RBM47: variants seen among roughly 807,000 people sequenced by gnomAD.
RBM47 encodes the protein RNA binding motif protein 47.
Under a neutral mutation model 47.1 loss-of-function variants are expected in RBM47, and 21 were observed. The ratio of observed to expected loss-of-function variants is 0.45; its 90% CI spans 0.32 to 0.64. The LOEUF (loss-of-function observed/expected upper bound fraction) is 0.64, where lower values mean the gene tolerates loss of function less well. RBM47 is among the 30% of genes least tolerant of loss of function. The pLI, the probability that RBM47 is intolerant of heterozygous loss-of-function variation, is 0.05. For missense variants in RBM47, 708 were observed against 870.9 expected, an observed-to-expected ratio of 0.81 and a Z score of 2.35; for synonymous variants, 375 against 361.7, an observed-to-expected ratio of 1.04 and a Z score of -0.42.
Position 40,519,651 on chromosome 4 carries a change from C to G in RBM47, c.-155+24771G>C, listed in dbSNP as rs538485613. 2.3e-3 allele frequency among the ~76,000 whole-genome samples: 330 copies of G among 141,226 alleles called. 1 individual carries two copies. Among genetic ancestry groups the G allele is most frequent in the African/African-American group, 8.7e-3 (321 of 37,008 alleles). 92.6% of individuals were successfully genotyped at this position (141,226 alleles called of 152,430 possible). A position where few individuals can be genotyped will look rare whatever the true frequency, so the allele number is the denominator to read the frequency against. On this transcript the variant is annotated intron_variant, in intron 2 of 6. Coordinates refer to ENST00000295971, the MANE Select transcript of RBM47 (RefSeq NM_001098634.2). ...CCCTCCTCTCCCACTTCCCTCTACC[C>G]TACCCTCCTTTTTTTTTTTTTTTTT...
At chr4:40,547,171 G>C (rs1333997944) in intron 1 of RBM47, among the ~76,000 whole-genome samples, 2 of 152,202 alleles carry the variant, frequency 1.3e-5, no homozygotes, top group East Asian at 3.8e-4. Flanking sequence ...CAGTACTAGA[G>C]AGTTCATGTC....
intron 1 of RBM47, among the ~76,000 whole-genome samples, chr4:40,555,459 G>A (rs147856252): frequency 1.3e-5 from 2 of 152,320 alleles, no homozygotes; most frequent in East Asian, 1.9e-4. Context: ...AAATAGTGAT[G>A]GGTGTGATCA....
chr4:40,529,852 A>G (rs1727195662), intron 2 of RBM47, among the ~76,000 whole-genome samples: 1 of 148,630 alleles, frequency 6.7e-6, no homozygotes, highest in African/African-American at 2.4e-5. Flanking sequence ...AAATAAATAA[A>G]TAAATAAATA....
chr4:40,426,312 C>T, intron 6 of RBM47, 169 bp from the exon 7 acceptor site: 1 of 819,056 alleles, frequency 1.2e-6, no homozygotes. Flanking sequence ...GGGAGAAGAG[C>T]CACTGAAGAG....
At chr4:40,540,238 T>C (rs1050348523) in intron 2 of RBM47, among the ~76,000 whole-genome samples, 3 of 152,140 alleles carry the variant, frequency 2.0e-5, no homozygotes, top group Admixed American at 1.3e-4. Context: ...AAAACATCAC[T>C]ATGTACCTCA....
intron 1 of RBM47, among the ~76,000 whole-genome samples, chr4:40,592,975 ATATATTT>A (rs1734368793): frequency 2.0e-4 from 3 of 14,894 alleles, no homozygotes; most frequent in Non-Finnish European, 3.3e-4. Context: ...ATATATATAT[ATATATTT>A]TTTTTTTTTT....
At chr4:40,611,653 G>A (rs1040424683) in intron 1 of RBM47, among the ~76,000 whole-genome samples, 2 of 151,968 alleles carry the variant, frequency 1.3e-5, no homozygotes, top group African/African-American at 4.8e-5. Flanking sequence ...GCTTGAACCC[G>A]GGAGGCAGAG....
intron 3 of RBM47, among the ~76,000 whole-genome samples, 161 bp downstream of exon 3, chr4:40,466,416 G>A (rs1718036266): frequency 6.6e-6 from 1 of 152,062 alleles, no homozygotes; most frequent in Non-Finnish European, 1.5e-5. Context: ...TTTATATTGA[G>A]GGTTCCAAAT....
chr4:40,553,167 C>T (rs568174250), intron 1 of RBM47, among the ~76,000 whole-genome samples: 116 of 150,518 alleles, frequency 7.7e-4, no homozygotes, highest in Non-Finnish European at 1.3e-3. Flanking sequence ...ATATGGAATA[C>T]TTCATGAATT....
At chr4:40,581,078 T>C (rs1299602438) in intron 1 of RBM47, among the ~76,000 whole-genome samples, 2 of 152,144 alleles carry the variant, frequency 1.3e-5, no homozygotes, top group Non-Finnish European at 1.5e-5. Flanking sequence ...CCAGAGGTCA[T>C]GAGCTGAAAA....
chr4:40,610,980 G>A (rs1736213096), intron 1 of RBM47, among the ~76,000 whole-genome samples: 1 of 152,012 alleles, frequency 6.6e-6, no homozygotes, highest in African/African-American at 2.4e-5. Flanking sequence ...CCCAGTCTCG[G>A]GTATGTTTTT....
At chr4:40,426,821 G>A (rs979813686) in intron 6 of RBM47, 9 of 152,264 alleles carry the variant, frequency 5.9e-5, no homozygotes, top group Non-Finnish European at 1.0e-4. Flanking sequence ...CAGAAACTGC[G>A]GATAAGGAGG....
At chr4:40,549,543 G>A (rs1313772098) in intron 1 of RBM47, among the ~76,000 whole-genome samples, 2 of 133,188 alleles carry the variant, frequency 1.5e-5, no homozygotes, top group Non-Finnish European at 3.2e-5. Context: ...TTTTTTTTGA[G>A]ATGAAGTCTC....
chr4:40,464,570 T>C (rs565825911), intron 3 of RBM47, among the ~76,000 whole-genome samples: 4 of 151,652 alleles, frequency 2.6e-5, no homozygotes, highest in African/African-American at 9.7e-5. Context: ...CCGAGAAAAG[T>C]GAAACTGCAG....
chr4:40,437,176 C>CATATATATATAAAATACAT (rs1218027908), intron 4 of RBM47, among the ~76,000 whole-genome samples: 15 of 117,676 alleles, frequency 1.3e-4, no homozygotes, highest in African/African-American at 5.1e-4. Context: ...ATATATAATA[C>CATATATATATAAAATACAT]ATATATATAT....
At position 40,592,189 on chromosome 4, in the gene RBM47, C is replaced by T. The variant is rs184839720; in HGVS notation, c.-240+37207G>A. ...CAAAGTAGAGTACAGGGGAATCATC[C>T]GTTTGCAATTATTAACTTATTTTCC... On this transcript the variant is annotated intron_variant, in intron 1 of 6. Transcript: ENST00000295971. 1.3e-3 allele frequency among the ~76,000 whole-genome samples: 195 copies of T among 152,098 alleles called. 2 individuals are homozygous for T. The highest frequency in any genetic ancestry group is 4.5e-3 in the African/African-American group (188 of 41,500).
intron 1 of RBM47, among the ~76,000 whole-genome samples, chr4:40,598,747 A>T (rs1381798654): frequency 6.6e-6 from 1 of 151,824 alleles, no homozygotes; most frequent in Non-Finnish European, 1.5e-5. Flanking sequence ...CCTTTGATTT[A>T]GGGTTTCTAC....
intron 2 of RBM47, among the ~76,000 whole-genome samples, chr4:40,508,333 C>G (rs1724411646): frequency 6.6e-6 from 1 of 152,220 alleles, no homozygotes; most frequent in African/African-American, 2.4e-5. Context: ...CAAATACACT[C>G]CCAGAAACAG....
At chr4:40,612,787 C>T (rs1288765220) in intron 1 of RBM47, among the ~76,000 whole-genome samples, 1 of 152,132 alleles carries the variant, frequency 6.6e-6, no homozygotes, top group African/African-American at 2.4e-5. Flanking sequence ...CATTTTATTT[C>T]CACTACAAAG....
Sources: allele counts gnomAD v4.1 joint callset (sites outside exome capture counted in the v4.1 genomes callset), GRCh38; gene constraint gnomAD v4.1.1; transcripts MANE v1.5; gene names NCBI Gene and HGNC (gene_info 2026-07-23, HGNC 2026-07-21).